PDE1A: variants seen among roughly 807,000 people sequenced by gnomAD.
PDE1A encodes the protein phosphodiesterase 1A.
A neutral mutation model predicts 61.7 loss-of-function variants in PDE1A; 35 were observed. That is an observed-to-expected ratio of 0.57 (90% CI 0.43 to 0.75). PDE1A has a LOEUF of 0.75. Among genes scored for constraint, PDE1A ranks in the 30% least tolerant of loss-of-function variants. The pLI, the probability that PDE1A is intolerant of heterozygous loss-of-function variation, is 0.00. For synonymous variants in PDE1A, 232 were observed against 213.2 expected (o/e 1.09, Z -0.77); for missense variants, 597 against 630.6 (o/e 0.95, Z 0.57).
the PDE1A span, among the ~76,000 whole-genome samples, chr2:182,651,722 C>T: frequency 6.9e-3 from 1,058 of 152,256 alleles, 9 homozygotes; most frequent in African/African-American, 0.023. Context: ...ATTTATACAA[C>T]GCATTTGGGT....
intron 2 of PDE1A, among the ~76,000 whole-genome samples, chr2:182,491,602 G>A (rs967355471): frequency 1.3e-5 from 2 of 152,196 alleles, no homozygotes; most frequent in African/African-American, 4.8e-5. Flanking sequence ...TAAGAAGAAA[G>A]ACGAAATATG....
At chr2:182,661,238 T>G in the PDE1A span, among the ~76,000 whole-genome samples, 1 of 152,232 alleles carries the variant, frequency 6.6e-6, no homozygotes, top group Non-Finnish European at 1.5e-5. Context: ...CTCTGGATAA[T>G]TTAAGATGCT....
the PDE1A span, among the ~76,000 whole-genome samples, chr2:182,591,786 C>T: frequency 6.6e-6 from 1 of 152,214 alleles, no homozygotes; most frequent in Non-Finnish European, 1.5e-5. Flanking sequence ...ACCTGGTTCA[C>T]TGGAAATTTA....
intron 7 of PDE1A, among the ~76,000 whole-genome samples, chr2:182,206,719 G>C (rs1010818149): frequency 8.5e-5 from 13 of 152,156 alleles, no homozygotes; most frequent in African/African-American, 3.1e-4. Context: ...GTAATCTCCA[G>C]TGTTAGGGGA....
chr2:182,497,615 G>A (rs1425416985), intron 2 of PDE1A, among the ~76,000 whole-genome samples: 1 of 152,010 alleles, frequency 6.6e-6, no homozygotes, highest in African/African-American at 2.4e-5. Flanking sequence ...TCCTCATTCC[G>A]TTCTAGAACA....
chr2:182,189,082 AAT>A, intron 10 of PDE1A, 22 bp from the exon 11 acceptor site: 1 of 1,548,538 alleles, frequency 6.5e-7, no homozygotes, highest in Non-Finnish European at 8.9e-7. Context: ...AAAGCACATT[AAT>A]ATAGACTTGG....
intron 1 of PDE1A, among the ~76,000 whole-genome samples, chr2:182,344,221 G>T (rs1419900394): frequency 6.6e-6 from 1 of 151,840 alleles, no homozygotes; most frequent in Non-Finnish European, 1.5e-5. Flanking sequence ...TGAAAATATT[G>T]TTTATATTTT....
chr2:182,459,536 G>A (rs1471274642), intron 2 of PDE1A, among the ~76,000 whole-genome samples: 1 of 152,108 alleles, frequency 6.6e-6, no homozygotes, highest in Non-Finnish European at 1.5e-5. Context: ...AAGGATACTG[G>A]GTGGTTGCAC....
the PDE1A span, among the ~76,000 whole-genome samples, chr2:182,571,382 T>C: frequency 6.6e-6 from 1 of 152,124 alleles, no homozygotes. Context: ...CAAAGAGAAT[T>C]TCAAGAAAAT....
chr2:182,521,079 G>A (rs986835044), intron 2 of PDE1A, among the ~76,000 whole-genome samples: 39 of 151,908 alleles, frequency 2.6e-4, no homozygotes, highest in African/African-American at 8.9e-4. Flanking sequence ...CTAATGCACT[G>A]TAAAGCCATG....
intron 2 of PDE1A, among the ~76,000 whole-genome samples, chr2:182,502,492 T>G (rs867773068): frequency 4.3e-4 from 65 of 152,334 alleles, no homozygotes; most frequent in African/African-American, 1.5e-3. Flanking sequence ...AGTCCTGTGA[T>G]TTTAAATACA....
intron 1 of PDE1A, among the ~76,000 whole-genome samples, chr2:182,400,620 A>G (rs1003750498): frequency 8.5e-5 from 13 of 152,112 alleles, no homozygotes; most frequent in African/African-American, 3.1e-4. Flanking sequence ...TAACTAAGGG[A>G]TCAAGCATAA....
intron 2 of PDE1A, chr2:182,463,655 T>C (rs892490669): frequency 1.3e-5 from 2 of 152,200 alleles, no homozygotes; most frequent in African/African-American, 2.4e-5. Context: ...CACTCACATA[T>C]GGCTCTACGA....
At chr2:182,253,343 T>C (rs1691543247) in intron 2 of PDE1A, among the ~76,000 whole-genome samples, 3 of 152,150 alleles carry the variant, frequency 2.0e-5, no homozygotes, top group Admixed American at 1.3e-4. Flanking sequence ...CAGTAAGGGA[T>C]TTTTTAAAAT....
intron 13 of PDE1A, among the ~76,000 whole-genome samples, chr2:182,156,633 G>C (rs752370942): frequency 6.6e-5 from 10 of 152,172 alleles, no homozygotes; most frequent in African/African-American, 1.2e-4. Flanking sequence ...CAGTTCTTCA[G>C]GGGTGGCTGA....
intron 7 of PDE1A, among the ~76,000 whole-genome samples, chr2:182,215,524 C>T (rs1164184985): frequency 1.3e-5 from 2 of 150,832 alleles, no homozygotes; most frequent in African/African-American, 4.9e-5. Flanking sequence ...GCTAGCAAGA[C>T]TAATAAAGAA....
intron 1 of PDE1A, among the ~76,000 whole-genome samples, chr2:182,266,472 GTCTT>G (rs1692641212): frequency 6.6e-6 from 1 of 152,264 alleles, no homozygotes; most frequent in South Asian, 2.1e-4. Context: ...ACTATCATAT[GTCTT>G]TCTTGTGAAA....
chr2:182,304,959 T>C (rs981242419), intron 1 of PDE1A, among the ~76,000 whole-genome samples: 1 of 152,096 alleles, frequency 6.6e-6, no homozygotes, highest in Non-Finnish European at 1.5e-5. Flanking sequence ...AAACCTCCAA[T>C]AAAATTAGTA....
At chr2:182,312,579 T>C (rs1696056421) in intron 1 of PDE1A, among the ~76,000 whole-genome samples, 1 of 152,148 alleles carries the variant, frequency 6.6e-6, no homozygotes, top group Non-Finnish European at 1.5e-5. Flanking sequence ...CTCCACTGAA[T>C]TGCCTTTGTA....
Sources: gnomAD v4.1 joint callset for allele counts (sites outside exome capture counted in the v4.1 genomes callset) on GRCh38, gnomAD v4.1.1 for gene constraint, MANE v1.5 for transcripts, NCBI Gene and HGNC (gene_info 2026-07-23, HGNC 2026-07-21) for gene names.